Variants in ZNF518B observed in about 807,000 individuals in gnomAD.
The protein encoded by ZNF518B is zinc finger protein 518B.
A neutral mutation model predicts 56.3 loss-of-function variants in ZNF518B; 23 were observed. The observed-to-expected ratio is 0.41, with a 90% CI of 0.29 to 0.58. The LOEUF is 0.58. ZNF518B is among the 20% of genes least tolerant of loss of function. The probability of loss-of-function intolerance (pLI) is 0.32; values close to 1 mark genes in which losing one functional copy is unlikely to be tolerated. For synonymous variants in ZNF518B, 529 were observed against 465.9 expected, an observed-to-expected ratio of 1.14 and a Z score of -1.74; for missense variants, 1,460 against 1,272.1, an observed-to-expected ratio of 1.15 and a Z score of -2.25.
At chr4:10,457,463 C>A (rs1715598336), upstream of ZNF518B, 1 of 152,262 alleles carries the variant, frequency 6.6e-6, no homozygotes, top group Admixed American at 6.5e-5. Context: ...GAAGCGGCGG[C>A]GCGGCTCCAG....
At chr4:10,449,482 TCA>T (rs1268913629) in intron 2 of ZNF518B, among the ~76,000 whole-genome samples, 1 of 152,230 alleles carries the variant, frequency 6.6e-6, no homozygotes. Flanking sequence ...AATTTTATAT[TCA>T]CATAGTTCTC....
At chr4:10,448,137 T>C (rs1162687706) in intron 2 of ZNF518B, among the ~76,000 whole-genome samples, 1 of 152,208 alleles carries the variant, frequency 6.6e-6, no homozygotes, top group African/African-American at 2.4e-5. Context: ...AATTATCCAA[T>C]TCCTCCCAGA....
intron 2 of ZNF518B, among the ~76,000 whole-genome samples, chr4:10,447,559 AAGG>A (rs1358203159): frequency 6.6e-6 from 1 of 152,104 alleles, no homozygotes; most frequent in Admixed American, 6.5e-5. Flanking sequence ...CTGGAGCAGA[AAGG>A]AGATCACGGA....
In ZNF518B at chr4:10,457,385, G is replaced by C. The variant is rs1443083968; in HGVS notation, c.-464C>G. On this transcript the variant is annotated 5_prime_UTR_variant, in exon 1 of 3. Transcript: ENST00000326756. ...CTACACCGCCGGCCGCAGACCGCCG[G>C]CGCCGCGCCCGCTGTAGGTCCCTAC... is the stretch of plus-strand genomic sequence containing the variant. 1 of 151,950 alleles carries C rather than the reference G, an allele frequency of 6.6e-6. No homozygotes were observed. The highest frequency in any genetic ancestry group is 1.5e-5 in the Non-Finnish European group (1 of 67,962). 9.4% of individuals were successfully genotyped at this position (151,950 alleles called of 1,614,324 possible).
At chr4:10,448,521 C>G (rs1460901033) in intron 2 of ZNF518B, among the ~76,000 whole-genome samples, 1 of 152,126 alleles carries the variant, frequency 6.6e-6, no homozygotes, top group Non-Finnish European at 1.5e-5. Context: ...TTTTCCTACT[C>G]TACTTTTGCG....
At chr4:10,450,399 T>A (rs1204265561) in intron 2 of ZNF518B, among the ~76,000 whole-genome samples, 1 of 152,176 alleles carries the variant, frequency 6.6e-6, no homozygotes, top group Non-Finnish European at 1.5e-5. Flanking sequence ...AGATGGGAGT[T>A]CTCTTTGGCC....
In ZNF518B at chr4:10,444,636, C is replaced by G; in HGVS notation, c.1693G>C (p.Val565Leu). 1 of 1,614,208 alleles carries G rather than the reference C, an allele frequency of 6.2e-7. No homozygotes were observed. Among genetic ancestry groups the G allele is most frequent in the Non-Finnish European group, 8.5e-7 (1 of 1,180,038 alleles). ...STSKVNIPVK[V>L]VSSNRKQEDN... is the part of the protein sequence containing the mutation. ...TCCTGCTTCCTATTAGAGGAAACCA[C>G]TTTTACAGGAATATTGACTTTACTT... Residue 565 changes from valine to leucine, a missense_variant, in exon 3 of 3, where the codon GTG becomes CTG. Physicochemically the swap from Val to Leu is conservative, Grantham distance 32. Transcript: ENST00000326756.
chr4:10,460,304 C>CAAAAAAAAAAAAAAAAAAAAAAAAAAA (rs1210892613), upstream of ZNF518B, among the ~76,000 whole-genome samples: 1 of 8,804 alleles, frequency 1.1e-4, no homozygotes, highest in Non-Finnish European at 1.6e-4. Flanking sequence ...GACTCTGTCT[C>CAAAAAAAAAAAAAAAAAAAAAAAAAAA]AAAAAAAAAA....
chr4:10,461,313 GCA>G (rs1296135909), upstream of ZNF518B, among the ~76,000 whole-genome samples: 1 of 152,182 alleles, frequency 6.6e-6, no homozygotes, highest in Non-Finnish European at 1.5e-5. Context: ...CTCCTGGCCC[GCA>G]CACTCAGCTC....
chr4:10,449,771 C>T (rs1322998309), intron 2 of ZNF518B, among the ~76,000 whole-genome samples: 2 of 152,198 alleles, frequency 1.3e-5, no homozygotes, highest in Non-Finnish European at 2.9e-5. Flanking sequence ...GAACATAACA[C>T]CCTCTATATT....
chr4:10,456,770 C>T (rs1347294113), intron 1 of ZNF518B, among the ~76,000 whole-genome samples: 1 of 152,212 alleles, frequency 6.6e-6, no homozygotes, highest in African/African-American at 2.4e-5. Flanking sequence ...AAACCGTCAA[C>T]GCTCAGCTCC....
Position 10,445,851 on chromosome 4 carries a change from T to C in ZNF518B, c.478A>G (p.Ile160Val). 1.2e-6 allele frequency: 2 copies of C among 1,614,246 alleles called. No homozygotes were observed. The highest frequency in any genetic ancestry group is 1.7e-6 in the Non-Finnish European group (2 of 1,180,038). Residue 160 changes from isoleucine (I) to valine (V), a missense_variant, in exon 3 of 3, where the codon ATT becomes GTT. By Grantham distance (29) the Ile-to-Val change is conservative. Transcript: ENST00000326756. ...YKKHTLQHEE[I>V]KFICSHCSYI... is the part of the protein sequence containing the mutation. The stretch of plus-strand genomic sequence containing the variant: ...CTGCAGTGAGAACAAATGAATTTAA[T>C]CTCCTCGTGTTGAAGGGTGTGCTTT...
intron 2 of ZNF518B, chr4:10,454,016 G>C (rs1251282533): frequency 6.6e-6 from 1 of 152,214 alleles, no homozygotes. Flanking sequence ...TGGGGATACT[G>C]GGATCTTTAA....
At chr4:10,459,977 GC>G (rs1051133351), upstream of ZNF518B, among the ~76,000 whole-genome samples, 8 of 152,084 alleles carry the variant, frequency 5.3e-5, no homozygotes, top group Admixed American at 5.2e-4. Context: ...AGATTTGGGA[GC>G]CAACGTTCAT....
At position 10,445,606 on chromosome 4, in the gene ZNF518B, C is replaced by T. The variant is rs1159059658; in HGVS notation, c.723G>A (p.Glu241=). 6.2e-7 allele frequency: 1 copy of T among 1,614,154 alleles called. No individual in the cohort carries two copies. Among genetic ancestry groups the T allele is most frequent in the South Asian group, 1.1e-5 (1 of 91,086 alleles). ...TCCGTGGATTGGAAGCTTTTAGAAG[C>T]TCTGGGTTTTGTTTTGAAGTTCCGG... is the stretch of plus-strand genomic sequence containing the variant. ...KRTGTSKQNP[E]LLKASNPRTT... Residue 241 remains glutamate, a synonymous_variant, in exon 3 of 3, where the codon GAG becomes GAA. Coordinates refer to ENST00000326756, the MANE Select transcript of ZNF518B (RefSeq NM_053042.3).
At position 10,443,684 on chromosome 4, in the gene ZNF518B, C is replaced by A; in HGVS notation, c.2645G>T (p.Arg882Ile). Reference protein sequence around the residue: ...ELNKQGRLLSRSLSISRNKTK... With the variant: ...ELNKQGRLLSISLSISRNKTK... Reference sequence around the variant, plus strand: ...TTTATTTCTACTTATAGAAAGACTTCTGGAAAGCAGTCTCCCTTGCTTATT... The same window carrying A: ...TTTATTTCTACTTATAGAAAGACTTATGGAAAGCAGTCTCCCTTGCTTATT... Residue 882 changes from arginine (R) to isoleucine (I), a missense_variant, in exon 3 of 3, where the codon AGA becomes ATA. Arg to Ile is a moderately conservative substitution (Grantham distance 97, BLOSUM62 -3). Coordinates refer to ENST00000326756, the MANE Select transcript of ZNF518B (RefSeq NM_053042.3). 6.2e-6 allele frequency: 10 copies of A among 1,614,108 alleles called. No homozygotes were observed. Among genetic ancestry groups the A allele is most frequent in the Non-Finnish European group, 8.5e-6 (10 of 1,180,022 alleles).
rs773898708 is a variant in ZNF518B, at chr4:10,444,996, A to T, written c.1333T>A (p.Ser445Thr). The T allele has an allele frequency of 3.3e-5, 53 of 1,614,040 alleles. No homozygotes were observed. Among genetic ancestry groups the T allele is most frequent in the Non-Finnish European group, 4.5e-5 (53 of 1,180,048 alleles). ...VRSYDFIMPN[S>T]SVHNNGKSFI... is the part of the protein sequence containing the mutation. ...GATTTTCCATTGTTGTGCACACTAG[A>T]ATTTGGCATAATAAAATCATAAGAC... The change falls in exon 3 of 3, where the codon TCT becomes ACT. Residue 445 changes from serine (S) to threonine (T), a missense_variant. By Grantham distance (58) the Ser-to-Thr change is moderately conservative. Coordinates refer to ENST00000326756, the MANE Select transcript of ZNF518B (RefSeq NM_053042.3).
chr4:10,449,713 G>A (rs764895708), intron 2 of ZNF518B, among the ~76,000 whole-genome samples: 3 of 152,176 alleles, frequency 2.0e-5, no homozygotes, highest in Non-Finnish European at 4.4e-5. Context: ...TGTAATACTA[G>A]TGTGTGAGAA....
rs542118810 is a variant in ZNF518B, at chr4:10,443,290, G to A, written c.3039C>T (p.Leu1013=). Residue 1013 remains leucine (L), a synonymous_variant, in exon 3 of 3, where the codon CTC becomes CTT. Coordinates refer to ENST00000326756, the MANE Select transcript of ZNF518B (RefSeq NM_053042.3). ...GGTAGTTGTTTTTATGAACTTTTTT[G>A]AGTTTCATTTTCAACATCATTTGCC... The part of the protein sequence containing the change: ...IKRQMMLKMK[L]KKVHKNNYQV... 6.8e-6 allele frequency: 11 copies of A among 1,614,060 alleles called. No individual in the cohort carries two copies. The Admixed American group carries it at 8.3e-5, about 12-fold the overall frequency.
Sources: gnomAD v4.1 joint callset for allele counts (sites outside exome capture counted in the v4.1 genomes callset) on GRCh38, gnomAD v4.1.1 for gene constraint, MANE v1.5 for transcripts, NCBI Gene and HGNC (gene_info 2026-07-23, HGNC 2026-07-21) for gene names.